The following SPAG16 variants were observed in gnomAD, a reference collection of about 807,000 sequenced individuals.
The protein encoded by SPAG16 is sperm associated antigen 16.
SPAG16 carries 86 observed loss-of-function variants against 80.4 expected under a neutral mutation model. The ratio of observed to expected loss-of-function variants is 1.07; its 90% confidence interval spans 0.90 to 1.28. The LOEUF (loss-of-function observed/expected upper bound fraction) is 1.28, where lower values mean the gene tolerates loss of function less well. SPAG16 is among the 50% of genes most tolerant of loss of function. The pLI, the probability that SPAG16 is intolerant of heterozygous loss-of-function variation, is 0.00. For missense variants in SPAG16, 870 were observed against 765.3 expected, an observed-to-expected ratio of 1.14 and a Z score of -1.61; for synonymous variants, 294 against 265.9, an observed-to-expected ratio of 1.11 and a Z score of -1.03.
intron 13 of SPAG16, among the ~76,000 whole-genome samples, chr2:214,097,561 A>C (rs2052675865): frequency 6.6e-6 from 1 of 151,986 alleles, no homozygotes; most frequent in Admixed American, 6.6e-5. Context: ...CTTTTATAAC[A>C]TCAAAAATCT....
rs1007479152 is a variant in SPAG16, at chr2:213,533,019, T to A, written c.1070+42929T>A. 2.6e-5 allele frequency among the ~76,000 whole-genome samples: 4 copies of A among 152,190 alleles called. No individual in the cohort carries two copies. The East Asian group carries it at 5.8e-4, about 22-fold the overall frequency. ...CAAAAAATAAACATTATTTGCCACA[T>A]TTATTTCTGTGTATACTGCTATGAA... On this transcript the variant is annotated intron_variant, in intron 10 of 15. Transcript: ENST00000331683.
At chr2:214,197,762 ACAT>A (rs1183815541) in intron 15 of SPAG16, among the ~76,000 whole-genome samples, 1 of 151,944 alleles carries the variant, frequency 6.6e-6, no homozygotes, top group Non-Finnish European at 1.5e-5. Flanking sequence ...ATGTGTGGTA[ACAT>A]CAGTTTACAT....
chr2:214,248,327 T>C (rs1000060203), intron 15 of SPAG16, among the ~76,000 whole-genome samples: 1 of 131,304 alleles, frequency 7.6e-6, no homozygotes, highest in Admixed American at 7.7e-5. Flanking sequence ...TTATTATTAT[T>C]ATTATTATTG....
chr2:213,753,873 T>C (rs2068198852), intron 10 of SPAG16, among the ~76,000 whole-genome samples: 1 of 152,192 alleles, frequency 6.6e-6, no homozygotes. Context: ...GGCCAGATTA[T>C]CAGGAATCAG....
chr2:213,442,730 TAGACACAAGGC>T (rs2071047815), intron 9 of SPAG16, among the ~76,000 whole-genome samples: 1 of 152,130 alleles, frequency 6.6e-6, no homozygotes, highest in African/African-American at 2.4e-5. Flanking sequence ...AAAATAAATC[TAGACACAAGGC>T]TTATATCTTT....
intron 12 of SPAG16, among the ~76,000 whole-genome samples, chr2:213,970,400 CA>C (rs1396210888): frequency 2.0e-5 from 3 of 152,024 alleles, no homozygotes; most frequent in African/African-American, 7.2e-5. Context: ...CTCCCAAACT[CA>C]AGTGATCTGC....
intron 13 of SPAG16, among the ~76,000 whole-genome samples, chr2:214,062,717 A>C (rs899630877): frequency 5.7e-5 from 8 of 139,518 alleles, no homozygotes; most frequent in Admixed American, 5.4e-4. Flanking sequence ...TTTAATCTCG[A>C]CATGGTAAAA....
At chr2:213,959,692 G>A (rs2106346932) in intron 12 of SPAG16, among the ~76,000 whole-genome samples, 1 of 152,224 alleles carries the variant, frequency 6.6e-6, no homozygotes, top group African/African-American at 2.4e-5. Context: ...GCTCCCTGAT[G>A]CCTTTGGAAT....
chr2:213,439,504 G>A (rs2070817438), intron 9 of SPAG16, among the ~76,000 whole-genome samples: 1 of 152,232 alleles, frequency 6.6e-6, no homozygotes, highest in Admixed American at 6.5e-5. Flanking sequence ...ATTATGTCCT[G>A]CAGTTAAGTG....
intron 10 of SPAG16, among the ~76,000 whole-genome samples, chr2:213,668,335 A>T (rs1052958296): frequency 1.3e-5 from 2 of 151,462 alleles, no homozygotes; most frequent in African/African-American, 4.9e-5. Flanking sequence ...TTTGAAATAC[A>T]TAGACTATTG....
chr2:213,577,270 A>G (rs1384973486), intron 10 of SPAG16, among the ~76,000 whole-genome samples: 1 of 152,172 alleles, frequency 6.6e-6, no homozygotes, highest in Non-Finnish European at 1.5e-5. Flanking sequence ...TCCTTGGTCT[A>G]AATAGCTCTG....
intron 15 of SPAG16, among the ~76,000 whole-genome samples, chr2:214,153,555 T>G (rs911989744): frequency 1.3e-5 from 2 of 152,112 alleles, no homozygotes; most frequent in African/African-American, 4.8e-5. Context: ...TTTATCCTAG[T>G]GCTGAAGGGG....
At chr2:213,544,324 G>A (rs1559238989) in intron 10 of SPAG16, among the ~76,000 whole-genome samples, 2 of 151,772 alleles carry the variant, frequency 1.3e-5, no homozygotes, top group Non-Finnish European at 2.9e-5. Context: ...TCTTTTATTT[G>A]TAATAGACTA....
intron 9 of SPAG16, among the ~76,000 whole-genome samples, chr2:213,415,610 T>C (rs2069208240): frequency 6.6e-6 from 1 of 152,164 alleles, no homozygotes; most frequent in Non-Finnish European, 1.5e-5. Context: ...ACGTTTGTAG[T>C]GTGTGTATGA....
At chr2:213,522,822 TTA>T (rs1491565740) in intron 10 of SPAG16, among the ~76,000 whole-genome samples, 1 of 144,962 alleles carries the variant, frequency 6.9e-6, no homozygotes, top group Admixed American at 7.0e-5. Flanking sequence ...TATAACAAAC[TTA>T]TATATATATA....
chr2:213,460,149 T>C (rs996416400), intron 9 of SPAG16, among the ~76,000 whole-genome samples: 1 of 152,240 alleles, frequency 6.6e-6, no homozygotes, highest in Non-Finnish European at 1.5e-5. Context: ...CTACTATCTG[T>C]TTATTTATTT....
intron 5 of SPAG16, among the ~76,000 whole-genome samples, chr2:213,329,405 G>A (rs2063988676): frequency 1.3e-5 from 2 of 152,132 alleles, no homozygotes; most frequent in African/African-American, 4.8e-5. Flanking sequence ...GGAACTTGTT[G>A]GGAACTGGAG....
chr2:214,096,272 T>A (rs968541282), intron 13 of SPAG16, among the ~76,000 whole-genome samples: 1 of 135,394 alleles, frequency 7.4e-6, no homozygotes, highest in African/African-American at 2.8e-5. Flanking sequence ...GGTTGGTTTT[T>A]TTAATGCAAA....
intron 10 of SPAG16, among the ~76,000 whole-genome samples, chr2:213,682,096 T>C (rs1426949351): frequency 6.6e-6 from 1 of 152,144 alleles, no homozygotes; most frequent in Non-Finnish European, 1.5e-5. Flanking sequence ...CAAATAGGCT[T>C]ATGTATCTCC....
Sources: allele counts gnomAD v4.1 joint callset (sites outside exome capture counted in the v4.1 genomes callset), GRCh38; gene constraint gnomAD v4.1.1; transcripts MANE v1.5; gene names NCBI Gene and HGNC (gene_info 2026-07-23, HGNC 2026-07-21).